Variants in SSC4D observed in about 807,000 individuals in gnomAD.
SSC4D encodes the protein scavenger receptor cysteine-rich domain-containing group B protein.
SSC4D carries 57 observed loss-of-function variants against 63.4 expected under a neutral mutation model. The observed-to-expected ratio is 0.90, with a 90% CI of 0.73 to 1.12. The LOEUF is 1.12. Among genes scored for constraint, SSC4D ranks in the 50% most tolerant of loss-of-function variants. SSC4D has a pLI of 0.00. For synonymous variants in SSC4D, 352 were observed against 345.4 expected (o/e 1.02, Z -0.21); for missense variants, 791 against 806.4 (o/e 0.98, Z 0.23).
intron 2 of SSC4D, 105 bp downstream of exon 2, chr7:76,404,202 A>G: frequency 7.1e-7 from 1 of 1,412,442 alleles, no homozygotes; most frequent in Admixed American, 2.9e-5. Context: ...GGAAAGAACA[A>G]CAGGAACGAG....
Position 76,395,264 on chromosome 7 carries a change from G to A in SSC4D, c.935C>T (p.Thr312Ile). 6.2e-7 allele frequency: 1 copy of A among 1,613,886 alleles called. No homozygotes were observed. ...SATREDWAWQ[T>I]DPSATGVGPQ... Reference sequence around the variant, plus strand: ...GCTGAGCTCTTTACCGGACGGATCTGTCTGCCAAGCCCAGTCCTCTCTTGT... The same window carrying A: ...GCTGAGCTCTTTACCGGACGGATCTATCTGCCAAGCCCAGTCCTCTCTTGT... Residue 312 changes from threonine to isoleucine, a missense_variant, in exon 7 of 11, where the codon ACA becomes ATA. Thr to Ile is a moderately conservative substitution (Grantham distance 89). Transcript: ENST00000275560.
chr7:76,393,896 C>G lies in SSC4D; in HGVS notation c.955G>C (p.Val319Leu). ...GTCTCCCGGGAAGGCTGGGGGCCAA[C>G]TCCTGTAGCTGTGGAGACAGGGCAT... ...AWQTDPSATG[V>L]GPQPSRETAL... Residue 319 changes from valine (V) to leucine (L), a missense_variant, in exon 8 of 11, where the codon GTT (valine) becomes CTT (leucine). Coordinates refer to ENST00000275560, the MANE Select transcript of SSC4D (RefSeq NM_080744.2). 1 of 1,603,944 alleles carries G rather than the reference C, an allele frequency of 6.2e-7. No homozygotes were observed. Among genetic ancestry groups the G allele is most frequent in the South Asian group, 1.1e-5 (1 of 89,218 alleles).
chr7:76,394,011 AC>A, intron 7 of SSC4D, 107 bp from the exon 8 acceptor site: 2 of 1,127,572 alleles, frequency 1.8e-6, no homozygotes, highest in Non-Finnish European at 2.5e-6. Context: ...CCACACCCGT[AC>A]CCCCACTCAG....
In SSC4D at chr7:76,400,298, C is replaced by T. The variant is rs751027721; in HGVS notation, c.463G>A (p.Val155Ile). The change falls in exon 4 of 11, where the codon GTC becomes ATC. Residue 155 changes from valine to isoleucine, a missense_variant. Physicochemically the swap from Val to Ile is conservative, Grantham distance 29. Transcript: ENST00000275560. ...HNCFHYEDVA[V>I]LCDEFLPTQP... is the part of the protein sequence containing the mutation. ...GGGCTCCACTCACCATCACACAGGA[C>T]AGCCACATCCTCGTAGTGAAAGCAA... 6 of 1,492,576 alleles carry T rather than the reference C, an allele frequency of 4.0e-6. 1 individual carries two copies. In the South Asian group the frequency reaches 6.8e-5, roughly 17 times the overall value. The allele number at this position is 1,492,576 out of a possible 1,614,324, so 92.5% of individuals were successfully genotyped here. A position where few individuals can be genotyped will look rare whatever the true frequency, so the allele number is the denominator to read the frequency against.
intron 2 of SSC4D, 144 bp from the exon 3 acceptor site, chr7:76,401,187 T>C (rs561483238): frequency 2.4e-5 from 29 of 1,215,018 alleles, no homozygotes; most frequent in African/African-American, 1.1e-4. Flanking sequence ...CAAAGCCCCA[T>C]TGTCTCTTTC....
At chr7:76,408,093 C>T (rs75224131) in intron 1 of SSC4D, among the ~76,000 whole-genome samples, 12,012 of 152,096 alleles carry the variant, frequency 0.079, 659 homozygotes, top group Middle Eastern at 0.17. Context: ...TAGGAGGCGG[C>T]GGTAGAGAGG....
chr7:76,405,835 A>T (rs1258492649), intron 1 of SSC4D, among the ~76,000 whole-genome samples: 1 of 151,898 alleles, frequency 6.6e-6, no homozygotes, highest in Non-Finnish European at 1.5e-5. Context: ...CAGCCCAAGG[A>T]CTCAGAGATT....
Position 76,398,716 on chromosome 7 carries a change from G to T in SSC4D, c.553+4C>A, listed in dbSNP as rs377060944. ...CAGGTGGTGCCCACATTATGCTTAC[G>T]TACTTTTTCCATTCGGCAGTGTCGT... On this transcript the variant is annotated splice_donor_region_variant and intron_variant, in intron 5 of 10. Transcript: ENST00000275560. 1.9e-6 allele frequency: 3 copies of T among 1,612,568 alleles called. No individual in the cohort carries two copies. In the South Asian group the frequency reaches 3.3e-5, roughly 18 times the overall value.
At chr7:76,405,111 G>T (rs1356451328) in intron 1 of SSC4D, among the ~76,000 whole-genome samples, 1 of 147,314 alleles carries the variant, frequency 6.8e-6, no homozygotes, top group East Asian at 2.1e-4. Flanking sequence ...AAAATTAGTA[G>T]ATTTTTTTTT....
chr7:76,408,707 C>T (rs1805127221), intron 1 of SSC4D, among the ~76,000 whole-genome samples: 1 of 152,186 alleles, frequency 6.6e-6, no homozygotes, highest in Admixed American at 6.5e-5. Flanking sequence ...CCTCCCAGCT[C>T]CAAGGTGGGC....
In SSC4D at chr7:76,401,747, C is replaced by T. The variant is rs116829166; in HGVS notation, c.134-704G>A. Among the ~76,000 whole-genome samples, 1,248 of 152,200 alleles carry T rather than the reference C, an allele frequency of 8.2e-3. 20 individuals are homozygous for T. Among genetic ancestry groups the T allele is most frequent in the African/African-American group, 0.028 (1,171 of 41,528 alleles). On this transcript the variant is annotated intron_variant, in intron 2 of 10. Coordinates refer to ENST00000275560, the MANE Select transcript of SSC4D (RefSeq NM_080744.2). ...CTTTTTTCAATTCCCAGCTTGGAGCCCCTTCCTCTGGGAAGCCATCCTGGA... is the reference window on the plus strand; with the variant it reads ...CTTTTTTCAATTCCCAGCTTGGAGCTCCTTCCTCTGGGAAGCCATCCTGGA...
In SSC4D at chr7:76,405,308, TATATA is replaced by T. The variant is rs1262935214; in HGVS notation, c.-66-808_-66-804del. 1.4e-3 allele frequency among the ~76,000 whole-genome samples: 91 copies of T among 64,400 alleles called. 2 individuals carry two copies. Among genetic ancestry groups the T allele is most frequent in the African/African-American group, 6.3e-3 (90 of 14,330 alleles). 42.2% of individuals were successfully genotyped at this position (64,400 alleles called of 152,430 possible). ...ATATATATATATATATATATATATATATATATATGTATTTTTTTCTTTCTTTCTTT... is the reference window on the plus strand; with the variant it reads ...ATATATATATATATATATATATATATTATGTATTTTTTTCTTTCTTTCTTT... On this transcript the variant is annotated intron_variant, in intron 1 of 10. Transcript: ENST00000275560.
intron 10 of SSC4D, among the ~76,000 whole-genome samples, chr7:76,391,585 C>A (rs1249776205): frequency 6.6e-6 from 1 of 152,060 alleles, no homozygotes; most frequent in East Asian, 1.9e-4. Context: ...AATCCCAGTA[C>A]CCCAGCCCCA....
Position 76,403,785 on chromosome 7 carries a change from C to T in SSC4D, c.133+522G>A, listed in dbSNP as rs571952637. On this transcript the variant is annotated intron_variant, in intron 2 of 10. Coordinates refer to ENST00000275560, the MANE Select transcript of SSC4D (RefSeq NM_080744.2). ...CAAGTGATTCTCCTGCCTCAGCCTCCTGAGTAGCTGGGATTACAGGTGCGT... is the reference window on the plus strand; with the variant it reads ...CAAGTGATTCTCCTGCCTCAGCCTCTTGAGTAGCTGGGATTACAGGTGCGT... Among the ~76,000 whole-genome samples, 209 of 152,094 alleles carry T rather than the reference C, an allele frequency of 1.4e-3. 2 individuals carry two copies. Among genetic ancestry groups the T allele is most frequent in the African/African-American group, 4.9e-3 (205 of 41,496 alleles).
chr7:76,396,705 GA>G lies in SSC4D; in HGVS notation c.868+812del, dbSNP rs1804648932. Among the ~76,000 whole-genome samples the G allele has an allele frequency of 2.0e-5, 3 of 152,342 alleles. No homozygotes were observed. The South Asian group carries it at 6.2e-4, about 32-fold the overall frequency. Reference sequence around the variant, plus strand: ...GCTTTCCCACCTATACACTGGGAATGATAGCCCTTAGTTTGCTATGAGTTAT... The same window carrying G: ...GCTTTCCCACCTATACACTGGGAATGTAGCCCTTAGTTTGCTATGAGTTAT... On this transcript the variant is annotated intron_variant, in intron 6 of 10. Transcript: ENST00000275560.
intron 6 of SSC4D, 128 bp downstream of exon 6, chr7:76,397,390 T>C: frequency 8.5e-7 from 1 of 1,181,188 alleles, no homozygotes; most frequent in Non-Finnish European, 1.1e-6. Context: ...CCTGGAGAGC[T>C]CTGGGGAGCA....
intron 2 of SSC4D, among the ~76,000 whole-genome samples, chr7:76,403,144 G>C (rs2115794714): frequency 6.6e-6 from 1 of 152,302 alleles, no homozygotes; most frequent in African/African-American, 2.4e-5. Context: ...TCTTCATCAT[G>C]CAGTTCTGAG....
chr7:76,390,131 G>A lies in SSC4D; in HGVS notation c.1656C>T (p.Cys552=). ...CRGEESALLL[C]SHIRWDAHNC... ...TGTGGGCATCCCAGCGGATATGAGA[G>A]CAGAGCAGCAGAGCACTTTCTTCCC... Residue 552 remains cysteine (C), a synonymous_variant, in exon 11 of 11, where the codon TGC becomes TGT. Transcript: ENST00000275560. 4 of 1,614,224 alleles carry A rather than the reference G, an allele frequency of 2.5e-6. No homozygotes were observed. The highest frequency in any genetic ancestry group is 2.2e-5 in the South Asian group (2 of 91,084).
At position 76,393,395 on chromosome 7, in the gene SSC4D, T is replaced by G. The variant is rs1804545232; in HGVS notation, c.1333+10A>C. 7.2e-7 allele frequency: 1 copy of G among 1,382,266 alleles called. No homozygotes were observed. Among genetic ancestry groups the G allele is most frequent in the Non-Finnish European group, 9.4e-7 (1 of 1,067,904 alleles). The allele number at this position is 1,382,266 out of a possible 1,614,324, so 85.6% of individuals were successfully genotyped here. ...CCCGCTGTCAGCCTCACCTTCGCTG[T>G]CAGCCTCACCTGCGCAGAGCGCTCC... is the stretch of plus-strand genomic sequence containing the variant. On this transcript the variant is annotated intron_variant, in intron 9 of 10. Coordinates refer to ENST00000275560, the MANE Select transcript of SSC4D (RefSeq NM_080744.2).
Sources: allele counts gnomAD v4.1 joint callset (sites outside exome capture counted in the v4.1 genomes callset), GRCh38; gene constraint gnomAD v4.1.1; transcripts MANE v1.5; gene names NCBI Gene and HGNC (gene_info 2026-07-23, HGNC 2026-07-21).